SYT1: variants seen among roughly 807,000 people sequenced by gnomAD.
SYT1 encodes the protein synaptotagmin 1, also known as synaptotagmin-1.
SYT1 carries 8 observed loss-of-function variants against 44.8 expected under a neutral mutation model. The ratio of observed to expected loss-of-function variants is 0.18; its 90% confidence interval spans 0.10 to 0.32. The LOEUF (loss-of-function observed/expected upper bound fraction) is 0.32. Among genes scored for constraint, SYT1 ranks in the 10% least tolerant of loss-of-function variants. The probability of loss-of-function intolerance (pLI) is 1.00; values close to 1 mark genes in which losing one functional copy is unlikely to be tolerated. For missense variants in SYT1, 286 were observed against 509.3 expected, an observed-to-expected ratio of 0.56 and a Z score of 4.22; for synonymous variants, 154 against 188.8, an observed-to-expected ratio of 0.82 and a Z score of 1.51.
intron 4 of SYT1, among the ~76,000 whole-genome samples, chr12:79,268,404 A>G (rs552634637): frequency 1.3e-5 from 2 of 152,332 alleles, no homozygotes; most frequent in Admixed American, 1.3e-4. Flanking sequence ...TTTGGAATTA[A>G]GATGATATGT....
At chr12:78,896,329 A>G (rs534812258) in intron 1 of SYT1, among the ~76,000 whole-genome samples, 1 of 151,950 alleles carries the variant, frequency 6.6e-6, no homozygotes, top group Non-Finnish European at 1.5e-5. Flanking sequence ...CTTGGAAGAA[A>G]GAATATATGG....
chr12:79,344,606 C>T (rs1158653840), intron 8 of SYT1, among the ~76,000 whole-genome samples: 3 of 152,032 alleles, frequency 2.0e-5, no homozygotes, highest in Non-Finnish European at 4.4e-5. Context: ...GCACGCATCA[C>T]ACCACACCTG....
intron 3 of SYT1, among the ~76,000 whole-genome samples, chr12:79,122,408 G>T (rs1403992106): frequency 6.8e-6 from 1 of 147,420 alleles, no homozygotes; most frequent in Non-Finnish European, 1.5e-5. Context: ...CAGCTACTCG[G>T]GAGGCTGAGG....
chr12:79,039,286 C>A (rs1873352192), intron 2 of SYT1, among the ~76,000 whole-genome samples: 1 of 151,958 alleles, frequency 6.6e-6, no homozygotes, highest in East Asian at 1.9e-4. Context: ...TTGTGAAAAA[C>A]ACACAACCCT....
intron 3 of SYT1, among the ~76,000 whole-genome samples, chr12:79,137,943 T>C (rs1453269604): frequency 6.6e-6 from 1 of 152,236 alleles, no homozygotes; most frequent in Non-Finnish European, 1.5e-5. Flanking sequence ...ATTCCATTCC[T>C]GCAAGCAGTC....
chr12:78,929,429 A>C (rs922013087), intron 1 of SYT1, among the ~76,000 whole-genome samples: 1,552 of 141,068 alleles, frequency 0.011, 87 homozygotes, highest in African/African-American at 0.04. Context: ...AAAAAAAAAA[A>C]AAAAAAAAAA....
At chr12:79,402,837 T>C (rs1885118694) in intron 9 of SYT1, among the ~76,000 whole-genome samples, 1 of 152,216 alleles carries the variant, frequency 6.6e-6, no homozygotes, top group Non-Finnish European at 1.5e-5. Context: ...CCTCAGCATA[T>C]TAAGGACCTG....
At chr12:79,051,398 A>G (rs1317320973) in intron 3 of SYT1, among the ~76,000 whole-genome samples, 4 of 149,992 alleles carry the variant, frequency 2.7e-5, no homozygotes, top group South Asian at 2.1e-4. Flanking sequence ...ATTTATATTT[A>G]TATATATCTC....
At chr12:79,123,308 A>AGTGTGTGTGTGTGTGTGTGTGTGTGTGT (rs763524667) in intron 3 of SYT1, among the ~76,000 whole-genome samples, 1 of 96,484 alleles carries the variant, frequency 1.0e-5, no homozygotes, top group African/African-American at 4.1e-5. Flanking sequence ...CTAAAAATGC[A>AGTGTGTGTGTGTGTGTGTGTGTGTGTGT]ATGTGTGTGT....
At chr12:78,908,276 G>A (rs1428581098) in intron 1 of SYT1, among the ~76,000 whole-genome samples, 2 of 151,684 alleles carry the variant, frequency 1.3e-5, no homozygotes, top group African/African-American at 4.8e-5. Flanking sequence ...TAATATTCAT[G>A]GAATTTCCCA....
chr12:79,407,447 C>A (rs1486508168), intron 9 of SYT1, among the ~76,000 whole-genome samples: 1 of 152,060 alleles, frequency 6.6e-6, no homozygotes, highest in Non-Finnish European at 1.5e-5. Context: ...AGTGATCTAG[C>A]CACCCTCTAG....
intron 2 of SYT1, among the ~76,000 whole-genome samples, chr12:79,020,543 T>C (rs952003156): frequency 1.3e-5 from 2 of 151,980 alleles, no homozygotes; most frequent in African/African-American, 4.8e-5. Context: ...AAAAAAAGTA[T>C]GTGCTGAAAC....
intron 4 of SYT1, among the ~76,000 whole-genome samples, chr12:79,271,545 T>C (rs1179371237): frequency 6.6e-6 from 1 of 152,130 alleles, no homozygotes; most frequent in African/African-American, 2.4e-5. Flanking sequence ...ACCTGGGAAA[T>C]AAATAATAAG....
intron 1 of SYT1, among the ~76,000 whole-genome samples, chr12:78,944,814 C>G (rs1191476283): frequency 6.6e-6 from 1 of 152,116 alleles, no homozygotes; most frequent in East Asian, 1.9e-4. Flanking sequence ...TCAACACACA[C>G]ACACACAGTG....
chr12:79,070,021 A>G (rs999069483), intron 3 of SYT1, among the ~76,000 whole-genome samples: 2 of 152,126 alleles, frequency 1.3e-5, no homozygotes, highest in African/African-American at 4.8e-5. Flanking sequence ...TTTCATTTTC[A>G]TCCTTTCAAA....
At chr12:79,080,172 T>C (rs1592729804) in intron 3 of SYT1, among the ~76,000 whole-genome samples, 3 of 152,156 alleles carry the variant, frequency 2.0e-5, no homozygotes, top group African/African-American at 7.2e-5. Flanking sequence ...TTATTGGTCC[T>C]ATAGGAAAAC....
intron 9 of SYT1, among the ~76,000 whole-genome samples, chr12:79,354,022 T>C (rs1299021771): frequency 1.3e-5 from 2 of 152,202 alleles, no homozygotes; most frequent in Non-Finnish European, 2.9e-5. Context: ...AGGTATTTGA[T>C]AGCCTAACAT....
chr12:79,415,115 T>G (rs932899526), intron 9 of SYT1, among the ~76,000 whole-genome samples: 13 of 152,198 alleles, frequency 8.5e-5, no homozygotes, highest in African/African-American at 3.1e-4. Context: ...TTTGTTTGTT[T>G]GTTTAAATTA....
chr12:79,217,537 C>A lies in SYT1; in HGVS notation c.18C>A (p.His6Gln). The change falls in exon 4 of 11, where the codon CAC (histidine) becomes CAA (glutamine). Residue 6 changes from histidine (H) to glutamine (Q), a missense_variant. Transcript: ENST00000261205. Reference protein sequence around the residue: MVSESHHEALAAPPVT... With the variant: MVSESQHEALAAPPVT... ...AACCTAAAATGGTGAGCGAGAGTCA[C>A]CATGAGGCCCTGGCAGCCCCGCCTG... The A allele has an allele frequency of 6.2e-7, 1 of 1,600,194 alleles. No homozygotes were observed.
Sources: gnomAD v4.1 joint callset for allele counts (sites outside exome capture counted in the v4.1 genomes callset) on GRCh38, gnomAD v4.1.1 for gene constraint, MANE v1.5 for transcripts, NCBI Gene and HGNC (gene_info 2026-07-23, HGNC 2026-07-21) for gene names.